HEATR1: variants seen among roughly 807,000 people sequenced by gnomAD.
HEATR1 encodes the protein HEAT repeat-containing protein 1.
Under a neutral mutation model 248.2 loss-of-function variants are expected in HEATR1, and 77 were observed. That is an observed-to-expected ratio of 0.31 (90% confidence interval 0.26 to 0.37). The LOEUF is 0.37. Among genes scored for constraint, HEATR1 ranks in the 10% least tolerant of loss-of-function variants. The pLI is 1.00. For synonymous variants in HEATR1, 897 were observed against 923.1 expected, an observed-to-expected ratio of 0.97 and a Z score of 0.51; for missense variants, 2,420 against 2,504.9, an observed-to-expected ratio of 0.97 and a Z score of 0.72.
Position 236,599,614 on chromosome 1 carries a change from G to A in HEATR1, c.370C>T (p.His124Tyr), listed in dbSNP as rs1172408251. 1.2e-5 allele frequency: 19 copies of A among 1,608,958 alleles called. No homozygotes were observed. The highest frequency in any genetic ancestry group is 1.5e-5 in the Non-Finnish European group (18 of 1,177,422). ...ATGAGGCTATCTTGATTATAGAGAT[G>A]TATATGGAACCTGGGGAAAAAAAGC... ...LEWLIHRFHI[H>Y]LYNQDSLIAC... is the part of the protein sequence containing the mutation. Residue 124 changes from histidine (H) to tyrosine (Y), a missense_variant, in exon 4 of 45, where the codon CAT (histidine) becomes TAT (tyrosine). Coordinates refer to ENST00000366582, the MANE Select transcript of HEATR1 (RefSeq NM_018072.6).
chr1:236,565,977 C>G lies in HEATR1; in HGVS notation c.4377G>C (p.Gln1459His). Residue 1459 changes from glutamine (Q) to histidine (H), a missense_variant, in exon 31 of 45, where the codon CAG (glutamine) becomes CAC (histidine). Coordinates refer to ENST00000366582, the MANE Select transcript of HEATR1 (RefSeq NM_018072.6). ...SVCCEFSVQH[Q>H]IQSLMNILQY... ...GGAGGATATTCATCAAGCTTTGTAT[C>G]TGATGCTGGACACTAAACTCACAAC... 1 of 1,613,902 alleles carries G rather than the reference C, an allele frequency of 6.2e-7. No individual in the cohort carries two copies.
intron 10 of HEATR1, among the ~76,000 whole-genome samples, 172 bp downstream of exon 10, chr1:236,592,351 T>C (rs1032139479): frequency 2.0e-5 from 3 of 152,160 alleles, no homozygotes; most frequent in African/African-American, 7.2e-5. Context: ...ACAACCACTA[T>C]TTCCTCTTAT....
chr1:236,553,722 C>A lies in HEATR1; in HGVS notation c.6096G>T (p.Gly2032=), dbSNP rs147173215. The change falls in exon 43 of 45, where the codon GGG becomes GGT. Residue 2032 remains glycine (G), a synonymous_variant. Transcript: ENST00000366582. ...CCCGTTCCTGGAATTTCTCTTCTCC[C>A]CCAAGCCTGTTTTCCAGCTAGGAAG... is the stretch of plus-strand genomic sequence containing the variant. ...PLVDQLENRL[G]GEEKFQERVT... is the part of the protein sequence containing the mutation. 2.5e-6 allele frequency: 4 copies of A among 1,611,944 alleles called. No homozygotes were observed. The highest frequency in any genetic ancestry group is 2.2e-5 in the South Asian group (2 of 90,626).
chr1:236,574,352 A>T lies in HEATR1; in HGVS notation c.3328-19T>A, dbSNP rs772014616. 2.5e-6 allele frequency: 4 copies of T among 1,599,032 alleles called. No homozygotes were observed. The South Asian group carries it at 4.6e-5, about 18-fold the overall frequency. The stretch of plus-strand genomic sequence containing the variant: ...TTGTAATCTAGAGGGGGTAGAAAAA[A>T]GGCAACTGAGTTCAGTGAACAAGTT... On this transcript the variant is annotated intron_variant, in intron 23 of 44. Coordinates refer to ENST00000366582, the MANE Select transcript of HEATR1 (RefSeq NM_018072.6).
chr1:236,556,397 A>G (rs1376325166), intron 37 of HEATR1, 139 bp from the exon 38 acceptor site: 1 of 880,720 alleles, frequency 1.1e-6, no homozygotes, highest in Non-Finnish European at 1.7e-6. Flanking sequence ...AATTCCTTTT[A>G]AAGTCAGCCC....
chr1:236,580,045 C>A (rs1388571983), intron 20 of HEATR1, among the ~76,000 whole-genome samples: 2 of 152,078 alleles, frequency 1.3e-5, no homozygotes, highest in African/African-American at 4.8e-5. Flanking sequence ...TTAATCATGT[C>A]CATTATTCTA....
intron 24 of HEATR1, 46 bp downstream of exon 24, chr1:236,574,156 G>C (rs1180947676): frequency 1.4e-5 from 22 of 1,539,468 alleles, no homozygotes; most frequent in Non-Finnish European, 1.9e-5. Flanking sequence ...CCTTGGAAGA[G>C]ACTATAAACA....
chr1:236,588,437 T>C (rs74145998), intron 12 of HEATR1, among the ~76,000 whole-genome samples: 2,585 of 152,342 alleles, frequency 0.017, 16 homozygotes, highest in Middle Eastern at 0.075. Flanking sequence ...TCACTTAACC[T>C]TTCTGGATCT....
intron 43 of HEATR1, chr1:236,552,936 G>A (rs1424058950): frequency 1.2e-4 from 19 of 152,162 alleles, no homozygotes. Flanking sequence ...CTCATTGTTA[G>A]CATATCCTAA....
In HEATR1 at chr1:236,586,299, T is replaced by C. The variant is rs1371406799; in HGVS notation, c.1869A>G (p.Ile623Met). 2.5e-6 allele frequency: 4 copies of C among 1,613,444 alleles called. No individual in the cohort carries two copies. Among genetic ancestry groups the C allele is most frequent in the East Asian group, 2.2e-5 (1 of 44,850 alleles). ...DTESAEMKIA[I>M]YLSKSGICSL... The stretch of plus-strand genomic sequence containing the variant: ...AGCAGATTCCTGATTTTGATAAATA[T>C]ATAGCAATTTTCATCTCAGCAGATT... The change falls in exon 15 of 45, where the codon ATA (isoleucine) becomes ATG (methionine). Residue 623 changes from isoleucine to methionine, a missense_variant. By Grantham distance (10) the Ile-to-Met change is conservative (BLOSUM62 1). Coordinates refer to ENST00000366582, the MANE Select transcript of HEATR1 (RefSeq NM_018072.6).
Position 236,551,979 on chromosome 1 carries a change from G to T in HEATR1, c.6346+20C>A. The stretch of plus-strand genomic sequence containing the variant: ...ATTATTCCTTAATTGTTTAATGGTT[G>T]GGAATAGTTTGGGAATTACCTTCCA... On this transcript the variant is annotated intron_variant, in intron 44 of 44. Transcript: ENST00000366582. 1 of 1,425,432 alleles carries T rather than the reference G, an allele frequency of 7.0e-7. No homozygotes were observed. Among genetic ancestry groups the T allele is most frequent in the Non-Finnish European group, 9.9e-7 (1 of 1,010,534 alleles). The allele number at this position is 1,425,432 out of a possible 1,614,324, so 88.3% of individuals were successfully genotyped here.
intron 16 of HEATR1, 122 bp from the exon 17 acceptor site, chr1:236,585,338 CT>C: frequency 1.4e-6 from 1 of 711,568 alleles, no homozygotes; most frequent in Non-Finnish European, 2.2e-6. Context: ...AACAGAAAGC[CT>C]TTATAAAGTA....
chr1:236,571,559 A>G lies in HEATR1; in HGVS notation c.3826+9T>C, dbSNP rs1202388029. 6.2e-7 allele frequency: 1 copy of G among 1,612,996 alleles called. No homozygotes were observed. Among genetic ancestry groups the G allele is most frequent in the East Asian group, 2.2e-5 (1 of 44,884 alleles). ...ATTTTTCTAACCTTTCCTTCCAAAA[A>G]GTACCTACCTTTGGGTATTTTGCCA... On this transcript the variant is annotated intron_variant, in intron 27 of 44. Transcript: ENST00000366582.
rs761363116 is a variant in HEATR1, at chr1:236,572,846, G to A, written c.3460-18C>T. ...ACGGAAATCTGAAATATTGAAGGAA[G>A]AAGAGTTGATGATATAATCCATTGG... On this transcript the variant is annotated intron_variant, in intron 24 of 44. Coordinates refer to ENST00000366582, the MANE Select transcript of HEATR1 (RefSeq NM_018072.6). The A allele has an allele frequency of 1.9e-6, 3 of 1,593,650 alleles. No individual in the cohort carries two copies. The highest frequency in any genetic ancestry group is 2.2e-5 in the South Asian group (2 of 90,576).
At chr1:236,559,900 C>A in intron 33 of HEATR1, 63 bp from the exon 34 acceptor site, 1 of 1,455,166 alleles carries the variant, frequency 6.9e-7, no homozygotes, top group South Asian at 1.4e-5. Context: ...TTGTTCATGT[C>A]TACCTTATGC....
Position 236,570,633 on chromosome 1 carries a change from G to A in HEATR1, c.3948+718C>T, listed in dbSNP as rs574452820. Reference sequence around the variant, plus strand: ...AATCACTTAATTGTATACTTTAAATGGGTGAATTTTATGGCATCTGAACTA... The same window carrying A: ...AATCACTTAATTGTATACTTTAAATAGGTGAATTTTATGGCATCTGAACTA... On this transcript the variant is annotated intron_variant, in intron 28 of 44. Coordinates refer to ENST00000366582, the MANE Select transcript of HEATR1 (RefSeq NM_018072.6). Among the ~76,000 whole-genome samples, 125 of 152,272 alleles carry A rather than the reference G, an allele frequency of 8.2e-4. 1 individual carries two copies. The highest frequency in any genetic ancestry group is 1.5e-3 in the Non-Finnish European group (100 of 68,030).
At chr1:236,587,804 G>T in intron 13 of HEATR1, 144 bp downstream of exon 13, 1 of 552,610 alleles carries the variant, frequency 1.8e-6, no homozygotes, top group Non-Finnish European at 3.2e-6. Flanking sequence ...CTCCTAACCA[G>T]ACTTAAGTCT....
At chr1:236,564,688 T>C in intron 31 of HEATR1, 27 bp from the exon 32 acceptor site, 1 of 1,594,664 alleles carries the variant, frequency 6.3e-7, no homozygotes, top group Non-Finnish European at 8.5e-7. Flanking sequence ...ACAAGTGACC[T>C]TACTCATTTT....
chr1:236,567,936 G>T (rs1486272283), intron 29 of HEATR1, among the ~76,000 whole-genome samples: 2 of 152,180 alleles, frequency 1.3e-5, no homozygotes, highest in African/African-American at 4.8e-5. Context: ...TTTTACTCCA[G>T]GTATTGGTGA....
Sources: allele counts gnomAD v4.1 joint callset (sites outside exome capture counted in the v4.1 genomes callset), GRCh38; gene constraint gnomAD v4.1.1; transcripts MANE v1.5; gene names NCBI Gene and HGNC (gene_info 2026-07-23, HGNC 2026-07-21).